LIMCH1: variants seen among roughly 807,000 people sequenced by gnomAD.
The protein encoded by LIMCH1 is LIM and calponin homology domains-containing protein 1.
In LIMCH1, 113 loss-of-function variants were observed where a neutral mutation model predicts 176.5. The observed-to-expected ratio is 0.64, with a 90% CI of 0.55 to 0.75. LIMCH1 has a LOEUF of 0.75. LIMCH1 is among the 30% of genes least tolerant of loss of function. LIMCH1 has a pLI of 0.00. For synonymous variants in LIMCH1, 619 were observed against 645.9 expected (o/e 0.96, Z 0.63); for missense variants, 1,674 against 1,814.9 (o/e 0.92, Z 1.41).
chr4:41,646,704 G>C lies in LIMCH1; in HGVS notation c.2631G>C (p.Gln877His), dbSNP rs535647227. 1 of 1,614,194 alleles carries C rather than the reference G, an allele frequency of 6.2e-7. No homozygotes were observed. Among genetic ancestry groups the C allele is most frequent in the African/African-American group, 1.3e-5 (1 of 75,044 alleles). The change falls in exon 17 of 32, where the codon CAG becomes CAC. Residue 877 changes from glutamine (Q) to histidine (H), a missense_variant. By Grantham distance (24) the Gln-to-His change is conservative. Around this residue, in one of 3 missense-constraint regions of LIMCH1, gnomAD observed 1,015 missense variants for 1,102.5 expected, o/e 0.92. Coordinates refer to ENST00000503057, the MANE Select transcript of LIMCH1 (RefSeq NM_001330672.2). ...DPNPMKYLRQ[Q>H]SLPPPKFTAT... ...ATCCCATGAAATACCTGCGGCAACAGTCACTGCCTCCACCCAAATTCACTG... is the reference window on the plus strand; with the variant it reads ...ATCCCATGAAATACCTGCGGCAACACTCACTGCCTCCACCCAAATTCACTG...
intron 23 of LIMCH1, among the ~76,000 whole-genome samples, chr4:41,678,594 A>G (rs1713020263): frequency 6.6e-6 from 1 of 152,226 alleles, no homozygotes; most frequent in Admixed American, 6.5e-5. Context: ...TTACATGCCA[A>G]GGGGTGACCC....
chr4:41,497,793 G>A (rs977065251), intron 2 of LIMCH1, among the ~76,000 whole-genome samples: 21 of 136,996 alleles, frequency 1.5e-4, no homozygotes, highest in African/African-American at 1.5e-4. Flanking sequence ...CAACAAGAGC[G>A]AAACTTCGTC....
chr4:41,631,239 G>A lies in LIMCH1; in HGVS notation c.1363G>A (p.Ala455Thr), dbSNP rs1443831535. ...TCGTGATGACTTTGCCAACCGCAAA[G>A]CAAGGGCCTCTAAGAAAGCTTCCAG... ...AIRDDFANRK[A>T]RASKKASSPR... The change falls in exon 10 of 32, where the codon GCA (alanine) becomes ACA (threonine). Residue 455 changes from alanine to threonine, a missense_variant. Around this residue, in one of 3 missense-constraint regions of LIMCH1, gnomAD observed 655 missense variants for 692.2 expected, o/e 0.95. Coordinates refer to ENST00000503057, the MANE Select transcript of LIMCH1 (RefSeq NM_001330672.2). 6.5e-7 allele frequency: 1 copy of A among 1,536,116 alleles called. No individual in the cohort carries two copies. Among genetic ancestry groups the A allele is most frequent in the Non-Finnish European group, 8.7e-7 (1 of 1,146,924 alleles).
At chr4:41,455,687 G>A (rs533716737) in intron 1 of LIMCH1, among the ~76,000 whole-genome samples, 1 of 152,164 alleles carries the variant, frequency 6.6e-6, no homozygotes, top group South Asian at 2.1e-4. Flanking sequence ...ATGCTGATGA[G>A]GACCTCTGCA....
intron 30 of LIMCH1, among the ~76,000 whole-genome samples, chr4:41,691,253 C>G (rs903422110): frequency 4.5e-4 from 68 of 152,100 alleles, no homozygotes; most frequent in African/African-American, 1.5e-3. Flanking sequence ...CCCAGGTCAC[C>G]TTAGAGCATG....
intron 27 of LIMCH1, among the ~76,000 whole-genome samples, chr4:41,685,247 A>C (rs1353757069): frequency 2.0e-5 from 3 of 152,214 alleles, no homozygotes; most frequent in Non-Finnish European, 4.4e-5. Flanking sequence ...GGGTTTGATT[A>C]TAATACATAA....
intron 1 of LIMCH1, among the ~76,000 whole-genome samples, chr4:41,450,869 A>T (rs1297086092): frequency 6.6e-6 from 1 of 151,306 alleles, no homozygotes; most frequent in Non-Finnish European, 1.5e-5. Flanking sequence ...ACATACTTGA[A>T]TTTGTCTAAG....
At position 41,578,903 on chromosome 4, in the gene LIMCH1, A is replaced by G. The variant is rs149751527; in HGVS notation, c.-240-20017A>G. Among the ~76,000 whole-genome samples the G allele has an allele frequency of 3.9e-5, 6 of 152,008 alleles. No homozygotes were observed. The East Asian group carries it at 1.2e-3, about 30-fold the overall frequency. On this transcript the variant is annotated intron_variant, in intron 1 of 31. Coordinates refer to ENST00000503057, the MANE Select transcript of LIMCH1 (RefSeq NM_001330672.2). ...TTTTTTATAGAGACAGGGTCTCACTATGTTTTCCAGGCTGGTCTCAAACTC... is the reference window on the plus strand; with the variant it reads ...TTTTTTATAGAGACAGGGTCTCACTGTGTTTTCCAGGCTGGTCTCAAACTC...
At position 41,395,412 on chromosome 4, in the gene LIMCH1, T is replaced by A. The variant is rs561508753; in HGVS notation, c.96+34476T>A. ...TCCCACCCACCACACCTGGCTAATT[T>A]TTGTATTTTTAGTAGAGGTGGGGTT... On this transcript the variant is annotated intron_variant, in intron 1 of 26. Transcript: ENST00000313860. Among the ~76,000 whole-genome samples the A allele has an allele frequency of 2.7e-5, 4 of 150,936 alleles. No individual in the cohort carries two copies. In the South Asian group the frequency reaches 6.4e-4, roughly 24 times the overall value.
chr4:41,556,635 G>C (rs1392978544), intron 1 of LIMCH1, among the ~76,000 whole-genome samples: 1 of 152,070 alleles, frequency 6.6e-6, no homozygotes, highest in East Asian at 1.9e-4. Context: ...CTGAGACTTA[G>C]ATGAATTAAG....
chr4:41,410,929 G>T (rs892074698), intron 1 of LIMCH1, among the ~76,000 whole-genome samples: 1 of 152,050 alleles, frequency 6.6e-6, no homozygotes, highest in African/African-American at 2.4e-5. Flanking sequence ...TAGCCCATCC[G>T]GATAAATGAA....
In LIMCH1 at chr4:41,475,161, C is replaced by T. The variant is rs147483092; in HGVS notation, c.97-19375C>T. 2.2e-3 allele frequency among the ~76,000 whole-genome samples: 332 copies of T among 152,270 alleles called. 2 individuals carry two copies. Among genetic ancestry groups the T allele is most frequent in the African/African-American group, 6.8e-3 (282 of 41,546 alleles). On this transcript the variant is annotated intron_variant, in intron 1 of 26. Transcript: ENST00000313860. ...AATCAGAAACAGCCATCTGAAAGGACGCTAGTTTACATTATTCAAGTACTT... is the reference window on the plus strand; with the variant it reads ...AATCAGAAACAGCCATCTGAAAGGATGCTAGTTTACATTATTCAAGTACTT...
At chr4:41,369,356 G>A (rs1196322416) in intron 1 of LIMCH1, among the ~76,000 whole-genome samples, 1 of 152,174 alleles carries the variant, frequency 6.6e-6, no homozygotes, top group Non-Finnish European at 1.5e-5. Flanking sequence ...AGAACTTCAG[G>A]AACATGGCCC....
chr4:41,366,982 C>A (rs2053107289), intron 1 of LIMCH1, among the ~76,000 whole-genome samples: 1 of 152,130 alleles, frequency 6.6e-6, no homozygotes, highest in South Asian at 2.1e-4. Flanking sequence ...AAAGGGGAAG[C>A]AAGACAGGTC....
chr4:41,383,253 A>T (rs10002548), intron 1 of LIMCH1, among the ~76,000 whole-genome samples: 1,758 of 152,270 alleles, frequency 0.012, 38 homozygotes, highest in African/African-American at 0.04. Context: ...AGTTAGAGAG[A>T]TATATAATTG....
At chr4:41,681,320 C>T (rs1040506230) in intron 25 of LIMCH1, among the ~76,000 whole-genome samples, 1 of 152,142 alleles carries the variant, frequency 6.6e-6, no homozygotes, top group Non-Finnish European at 1.5e-5. Context: ...GCCAAAGTCT[C>T]TCCACACCTG....
At chr4:41,459,532 G>A (rs972115806) in intron 1 of LIMCH1, among the ~76,000 whole-genome samples, 1 of 152,130 alleles carries the variant, frequency 6.6e-6, no homozygotes, top group Non-Finnish European at 1.5e-5. Flanking sequence ...GAACTTCTGG[G>A]CTCAAGCAGT....
At chr4:41,382,443 GA>G (rs2055826830) in intron 1 of LIMCH1, among the ~76,000 whole-genome samples, 1 of 152,074 alleles carries the variant, frequency 6.6e-6, no homozygotes, top group African/African-American at 2.4e-5. Context: ...TATAGCCAAG[GA>G]AACAGGGCTA....
intron 18 of LIMCH1, among the ~76,000 whole-genome samples, chr4:41,658,296 T>C (rs1274559058): frequency 6.6e-6 from 1 of 152,218 alleles, no homozygotes; most frequent in Non-Finnish European, 1.5e-5. Flanking sequence ...GATTGCAGTT[T>C]CTGCTGTTGC....
Sources: allele counts gnomAD v4.1 joint callset (sites outside exome capture counted in the v4.1 genomes callset), GRCh38; gene constraint gnomAD v4.1.1; regional missense constraint gnomAD v4.1.1; transcripts MANE v1.5; gene names NCBI Gene and HGNC (gene_info 2026-07-23, HGNC 2026-07-21).